Variants in SCIN observed in about 807,000 individuals in gnomAD.
SCIN encodes adseverin.
SCIN carries 91 observed loss-of-function variants against 91.8 expected under a neutral mutation model. The observed-to-expected ratio is 0.99, with a 90% CI of 0.84 to 1.18. The LOEUF (loss-of-function observed/expected upper bound fraction) is 1.18, where lower values mean the gene tolerates loss of function less well. Ranked by LOEUF, SCIN falls within the 50% of genes most tolerant of loss-of-function variation. SCIN has a pLI of 0.00. For synonymous variants in SCIN, 367 were observed against 312.6 expected (o/e 1.17, Z -1.84); for missense variants, 1,087 against 863.9 (o/e 1.26, Z -3.24).
In SCIN at chr7:12,635,611, CAAAAAAAA is replaced by C. The variant is rs59324421; in HGVS notation, c.1320-410_1320-403del. 4.1e-3 allele frequency among the ~76,000 whole-genome samples: 24 copies of C among 5,856 alleles called. 2 individuals carry two copies. In the South Asian group the frequency reaches 0.13, roughly 32 times the overall value. The allele number at this position is 5,856 out of a possible 152,430, so 3.8% of individuals were successfully genotyped here. A position where few individuals can be genotyped will look rare whatever the true frequency, so the allele number is the denominator to read the frequency against. On this transcript the variant is annotated intron_variant, in intron 9 of 15. Coordinates refer to ENST00000297029, the MANE Select transcript of SCIN (RefSeq NM_001112706.3). ...CGGGCGACAGTGCAGGACTCCGTCT[CAAAAAAAA>C]AAAAAAAAAAAAAAAAAAAAAAAGG...
intron 11 of SCIN, among the ~76,000 whole-genome samples, chr7:12,641,071 T>G (rs150019984): frequency 0.022 from 3,405 of 152,248 alleles, 52 homozygotes; most frequent in Non-Finnish European, 0.035. Context: ...TTTAAATGGC[T>G]AAGTGCTTTC....
In SCIN at chr7:12,619,936, C is replaced by A. The variant is rs1783373352; in HGVS notation, c.667-2865C>A. Reference sequence around the variant, plus strand: ...ACTTGAGTACATTGAAGTTCAGGAACCACTGCAGCAGATGTAAAATATAAA... The same window carrying A: ...ACTTGAGTACATTGAAGTTCAGGAAACACTGCAGCAGATGTAAAATATAAA... On this transcript the variant is annotated intron_variant, in intron 4 of 15. Coordinates refer to ENST00000297029, the MANE Select transcript of SCIN (RefSeq NM_001112706.3). Among the ~76,000 whole-genome samples the A allele has an allele frequency of 2.0e-5, 3 of 151,984 alleles. No individual in the cohort carries two copies. In the South Asian group the frequency reaches 6.3e-4, roughly 32 times the overall value.
At chr7:12,648,949 C>T (rs1420246843) in intron 13 of SCIN, among the ~76,000 whole-genome samples, 5 of 152,076 alleles carry the variant, frequency 3.3e-5, no homozygotes, top group African/African-American at 1.2e-4. Context: ...GAAATTTTAG[C>T]AGGATTATGT....
intron 5 of SCIN, 58 bp downstream of exon 5, chr7:12,622,951 C>A: frequency 7.8e-7 from 1 of 1,289,150 alleles, no homozygotes; most frequent in Non-Finnish European, 1.1e-6. Context: ...GCTAGGGAGG[C>A]CTGTATTGGG....
intron 3 of SCIN, among the ~76,000 whole-genome samples, chr7:12,603,508 A>G (rs1783005875): frequency 6.6e-6 from 1 of 152,086 alleles, no homozygotes; most frequent in Admixed American, 6.6e-5. Context: ...CCACCCAAAT[A>G]GTGGGTGATA....
intron 4 of SCIN, among the ~76,000 whole-genome samples, chr7:12,611,699 T>G (rs375053641): frequency 2.6e-5 from 4 of 152,316 alleles, no homozygotes; most frequent in East Asian, 3.9e-4. Context: ...GACCACTTTG[T>G]AACAATATAT....
At chr7:12,626,446 G>A (rs947211410) in intron 7 of SCIN, 138 bp from the exon 8 acceptor site, 22 of 668,834 alleles carry the variant, frequency 3.3e-5, no homozygotes, top group African/African-American at 7.2e-5. Context: ...GTGAGAAAAA[G>A]CAATTTTGGA....
At chr7:12,621,465 G>A (rs556563742) in intron 4 of SCIN, among the ~76,000 whole-genome samples, 1 of 152,016 alleles carries the variant, frequency 6.6e-6, no homozygotes, top group East Asian at 1.9e-4. Context: ...CCCACTGGGA[G>A]GTTTCCTAAT....
chr7:12,576,558 A>G (rs7781602), intron 1 of SCIN, among the ~76,000 whole-genome samples: 24,607 of 152,146 alleles, frequency 0.16, 3,833 homozygotes, highest in African/African-American at 0.41. Context: ...CTAAGCTTTT[A>G]TGCATCAGTT....
At chr7:12,642,877 T>C (rs1347812047) in intron 11 of SCIN, among the ~76,000 whole-genome samples, 1 of 152,094 alleles carries the variant, frequency 6.6e-6, no homozygotes, top group East Asian at 1.9e-4. Context: ...GTCTCGGCCT[T>C]GGCCCCTTCA....
At chr7:12,596,624 G>A (rs553195031) in intron 3 of SCIN, among the ~76,000 whole-genome samples, 86 of 152,076 alleles carry the variant, frequency 5.7e-4, no homozygotes, top group Non-Finnish European at 1.0e-3. Context: ...TGTTGATTGA[G>A]CAGTTGAGTC....
intron 3 of SCIN, among the ~76,000 whole-genome samples, chr7:12,592,375 T>C (rs1289744867): frequency 6.6e-6 from 1 of 152,082 alleles, no homozygotes; most frequent in Admixed American, 6.6e-5. Flanking sequence ...AGTGTGTTGG[T>C]CTAAGAAGAC....
chr7:12,647,214 C>T (rs933326962), intron 13 of SCIN, among the ~76,000 whole-genome samples: 2 of 152,130 alleles, frequency 1.3e-5, no homozygotes, highest in African/African-American at 4.8e-5. Context: ...TTTTGTTATG[C>T]GTATATATTA....
At chr7:12,608,410 T>C (rs1483871097) in intron 4 of SCIN, among the ~76,000 whole-genome samples, 1 of 152,138 alleles carries the variant, frequency 6.6e-6, no homozygotes, top group African/African-American at 2.4e-5. Context: ...GGTGCAACAG[T>C]TGATTTTACT....
At chr7:12,593,886 G>T (rs1290676225) in intron 3 of SCIN, among the ~76,000 whole-genome samples, 1 of 152,202 alleles carries the variant, frequency 6.6e-6, no homozygotes, top group Non-Finnish European at 1.5e-5. Flanking sequence ...TTCTCTTCTG[G>T]AAGGAGGGTA....
intron 13 of SCIN, 35 bp from the exon 14 acceptor site, chr7:12,649,432 T>C: frequency 1.4e-6 from 2 of 1,430,812 alleles, no homozygotes; most frequent in Non-Finnish European, 1.9e-6. Context: ...ATTACTGCTT[T>C]ACTTTTTGCT....
intron 4 of SCIN, among the ~76,000 whole-genome samples, chr7:12,608,220 C>A (rs964142719): frequency 1.3e-5 from 2 of 151,764 alleles, no homozygotes; most frequent in African/African-American, 2.4e-5. Flanking sequence ...CATTATAATA[C>A]TTTGTATCTT....
At chr7:12,588,808 T>TGGC (rs1782647130) in intron 3 of SCIN, 3 of 7,964 alleles carry the variant, frequency 3.8e-4, no homozygotes, top group African/African-American at 2.4e-3. Flanking sequence ...CTGCATTGGG[T>TGGC]GGGGGGGGGG....
chr7:12,632,904 G>A (rs1583313136), intron 9 of SCIN, among the ~76,000 whole-genome samples: 1 of 152,118 alleles, frequency 6.6e-6, no homozygotes, highest in East Asian at 1.9e-4. Context: ...GTATATATTG[G>A]GGGGATATCA....
Sources: gnomAD v4.1 joint callset for allele counts (sites outside exome capture counted in the v4.1 genomes callset) on GRCh38, gnomAD v4.1.1 for gene constraint, MANE v1.5 for transcripts, NCBI Gene and HGNC (gene_info 2026-07-23, HGNC 2026-07-21) for gene names.